SH3BGRL: variants seen among roughly 807,000 people sequenced by gnomAD.
SH3BGRL encodes the protein adapter SH3BGRL.
A neutral mutation model predicts 9.8 loss-of-function variants in SH3BGRL; 7 were observed. The ratio of observed to expected loss-of-function variants is 0.72; its 90% confidence interval spans 0.41 to 1.35. The LOEUF (loss-of-function observed/expected upper bound fraction) is 1.35. SH3BGRL is among the 40% of genes most tolerant of loss of function. The pLI is 0.01. For missense variants in SH3BGRL, 73 were observed against 84.4 expected (o/e 0.86, Z 0.53); for synonymous variants, 36 against 29.1 (o/e 1.24, Z -0.76).
intron 1 of SH3BGRL, among the ~76,000 whole-genome samples, chrX:81,265,969 GTGTT>G (rs2075755855): frequency 8.9e-6 from 1 of 112,293 alleles, no homozygotes; most frequent in Admixed American, 9.4e-5. Flanking sequence ...ATTTTTTCAT[GTGTT>G]TGTTGGCTGC....
intron 1 of SH3BGRL, among the ~76,000 whole-genome samples, chrX:81,243,815 A>G (rs927383686): frequency 4.5e-5 from 5 of 111,675 alleles, no homozygotes; most frequent in Non-Finnish European, 9.4e-5. Context: ...TATGAGGGTA[A>G]GAACTCATGT....
intron 3 of SH3BGRL, among the ~76,000 whole-genome samples, chrX:81,292,741 G>A (rs1290939131): frequency 1.8e-5 from 2 of 111,522 alleles, no homozygotes; most frequent in African/African-American, 6.5e-5. Flanking sequence ...ATGTATATGA[G>A]CTATGCTGTT....
chrX:81,254,988 C>T (rs894515717), intron 1 of SH3BGRL, among the ~76,000 whole-genome samples: 6 of 107,258 alleles, frequency 5.6e-5, no homozygotes, highest in Non-Finnish European at 1.2e-4. Flanking sequence ...CCTCTGGGTT[C>T]AAGCGATTCT....
At chrX:81,250,771 T>G (rs2075707186) in intron 1 of SH3BGRL, among the ~76,000 whole-genome samples, 1 of 112,136 alleles carries the variant, frequency 8.9e-6, no homozygotes, top group African/African-American at 3.2e-5. Flanking sequence ...TCTCAGCAAA[T>G]ACTATTCACA....
intron 3 of SH3BGRL, among the ~76,000 whole-genome samples, chrX:81,280,865 G>C (rs918686312): frequency 6.3e-5 from 7 of 111,332 alleles, no homozygotes; most frequent in Admixed American, 5.7e-4. Flanking sequence ...TAGTTATTAA[G>C]CTAATCAGGG....
chrX:81,263,832 G>GT (rs1022555758), intron 1 of SH3BGRL, among the ~76,000 whole-genome samples: 108 of 110,073 alleles, frequency 9.8e-4, no homozygotes, highest in African/African-American at 2.8e-3. Context: ...TTTCTTGTCT[G>GT]TTTTTTTTGT....
intron 1 of SH3BGRL, among the ~76,000 whole-genome samples, chrX:81,218,547 T>A (rs1289805430): frequency 9.2e-6 from 1 of 108,137 alleles, no homozygotes; most frequent in Non-Finnish European, 1.9e-5. Context: ...TTTTTTGTTT[T>A]TGTTTACTGA....
At chrX:81,209,432 A>T (rs1176109906) in intron 1 of SH3BGRL, among the ~76,000 whole-genome samples, 1 of 111,734 alleles carries the variant, frequency 8.9e-6, no homozygotes, top group Non-Finnish European at 1.9e-5. Flanking sequence ...ATATTTTAAC[A>T]TAGTAATAAC....
intron 3 of SH3BGRL, among the ~76,000 whole-genome samples, chrX:81,287,187 A>G (rs776890283): frequency 1.3e-4 from 14 of 111,890 alleles, no homozygotes; most frequent in Non-Finnish European, 2.3e-4. Context: ...AAATGAAAGA[A>G]AACGTTGGTA....
At chrX:81,290,659 C>T in intron 3 of SH3BGRL, among the ~76,000 whole-genome samples, 1 of 109,697 alleles carries the variant, frequency 9.1e-6, no homozygotes, top group East Asian at 2.9e-4. Flanking sequence ...GTATTTGATA[C>T]CAAAACATGA....
intron 1 of SH3BGRL, among the ~76,000 whole-genome samples, chrX:81,236,883 G>T (rs1036582675): frequency 2.9e-5 from 3 of 102,115 alleles, no homozygotes; most frequent in Non-Finnish European, 6.0e-5. Flanking sequence ...AGGACGGAGG[G>T]AGAGAGAGAG....
intron 1 of SH3BGRL, among the ~76,000 whole-genome samples, chrX:81,215,672 A>G (rs2075579185): frequency 9.0e-6 from 1 of 111,068 alleles, no homozygotes; most frequent in South Asian, 3.8e-4. Context: ...CTGTCCCCCA[A>G]CCAGTGTGCA....
chrX:81,265,804 A>G (rs2075755247), intron 1 of SH3BGRL, among the ~76,000 whole-genome samples: 1 of 112,187 alleles, frequency 8.9e-6, no homozygotes, highest in African/African-American at 3.2e-5. Context: ...ACAATGGTTG[A>G]ACTAATTTAC....
intron 1 of SH3BGRL, among the ~76,000 whole-genome samples, chrX:81,272,973 TTATTTATAGAGTTCGA>T: frequency 8.9e-6 from 1 of 111,792 alleles, no homozygotes; most frequent in African/African-American, 3.3e-5. Context: ...ACACCATGAT[TTATTTATAGAGTTCGA>T]TTATATGTAA....
chrX:81,285,333 T>C (rs1012295352), intron 3 of SH3BGRL, among the ~76,000 whole-genome samples: 2 of 111,492 alleles, frequency 1.8e-5, no homozygotes, highest in Admixed American at 1.9e-4. Context: ...AAAATGATAA[T>C]AGTGCTGAGA....
intron 1 of SH3BGRL, among the ~76,000 whole-genome samples, chrX:81,218,593 A>G (rs1266806858): frequency 1.9e-5 from 2 of 106,139 alleles, no homozygotes; most frequent in Non-Finnish European, 3.9e-5. Context: ...TCTGGCTTGT[A>G]GGGTCTCTGC....
chrX:81,260,426 T>C (rs2075737689), intron 1 of SH3BGRL, among the ~76,000 whole-genome samples: 1 of 111,684 alleles, frequency 9.0e-6, no homozygotes, highest in African/African-American at 3.3e-5. Flanking sequence ...TGTAAAGAGC[T>C]TAGCACAGTG....
chrX:81,228,691 G>A (rs925125518), intron 1 of SH3BGRL, among the ~76,000 whole-genome samples: 3 of 111,255 alleles, frequency 2.7e-5, no homozygotes, highest in Admixed American at 9.5e-5. Context: ...GATGGCTGGG[G>A]GGCTTTGAAT....
At chrX:81,296,986 T>A (rs1670793500) in intron 3 of SH3BGRL, among the ~76,000 whole-genome samples, 1 of 111,812 alleles carries the variant, frequency 8.9e-6, no homozygotes, top group Admixed American at 9.5e-5. Context: ...TCCAAATCAT[T>A]AGGAATGATT....
Sources: allele counts gnomAD v4.1 joint callset (sites outside exome capture counted in the v4.1 genomes callset), GRCh38; gene constraint gnomAD v4.1.1; transcripts MANE v1.5; gene names NCBI Gene and HGNC (gene_info 2026-07-23, HGNC 2026-07-21).